Variants in CEP112 observed in about 807,000 individuals in gnomAD.
The protein encoded by CEP112 is centrosomal protein 112, also known as centrosomal protein of 112 kDa.
Under a neutral mutation model 153.0 loss-of-function variants are expected in CEP112, and 127 were observed. The ratio of observed to expected loss-of-function variants is 0.83; its 90% confidence interval spans 0.72 to 0.96. CEP112 has a LOEUF of 0.96. CEP112 is among the 40% of genes least tolerant of loss of function. The pLI is 0.00. For missense variants in CEP112, 1,089 were observed against 1,101.2 expected (o/e 0.99, Z 0.16); for synonymous variants, 358 against 374.4 (o/e 0.96, Z 0.51).
chr17:66,110,085 A>C (rs2068958737), intron 6 of CEP112, among the ~76,000 whole-genome samples: 2 of 152,162 alleles, frequency 1.3e-5, no homozygotes, highest in Non-Finnish European at 2.9e-5. Flanking sequence ...GTGTGAACCC[A>C]GGAGGCGGAG....
intron 21 of CEP112, among the ~76,000 whole-genome samples, chr17:65,831,323 C>T (rs902526971): frequency 3.9e-5 from 6 of 152,134 alleles, no homozygotes; most frequent in South Asian, 4.2e-4. Context: ...TTTGGGAGGC[C>T]GAGGCGGGTG....
At chr17:65,959,224 G>A (rs2062109025) in intron 18 of CEP112, among the ~76,000 whole-genome samples, 1 of 152,112 alleles carries the variant, frequency 6.6e-6, no homozygotes, top group Admixed American at 6.5e-5. Flanking sequence ...GCTGAGAGCT[G>A]CAGAGATGAT....
At chr17:65,671,534 A>T (rs2046981286) in intron 24 of CEP112, among the ~76,000 whole-genome samples, 1 of 152,234 alleles carries the variant, frequency 6.6e-6, no homozygotes, top group Non-Finnish European at 1.5e-5. Flanking sequence ...AACTCTGTTC[A>T]TCTTCTATGT....
At position 65,938,127 on chromosome 17, in the gene CEP112, T is replaced by C. The variant is rs1427468806; in HGVS notation, c.1873-10438A>G. On this transcript the variant is annotated intron_variant, in intron 18 of 26. Transcript: ENST00000535342. ...TGATCTGTGACCTTACCCCCAACCC[T>C]GTGCTCTCTGAAACATGTGCTGTGT... 2.4e-5 allele frequency among the ~76,000 whole-genome samples: 3 copies of C among 124,734 alleles called. 1 individual carries two copies. The highest frequency in any genetic ancestry group is 8.4e-5 in the African/African-American group (3 of 35,692). The allele number at this position is 124,734 out of a possible 152,430, so 81.8% of individuals were successfully genotyped here.
At chr17:65,996,052 C>T (rs1462516220) in intron 17 of CEP112, among the ~76,000 whole-genome samples, 1 of 151,854 alleles carries the variant, frequency 6.6e-6, no homozygotes, top group Non-Finnish European at 1.5e-5. Flanking sequence ...AGCATGAAAA[C>T]GGCCTAATAC....
intron 23 of CEP112, among the ~76,000 whole-genome samples, chr17:65,726,410 A>G (rs4346239): frequency 0.55 from 83,128 of 151,842 alleles, 23,056 homozygotes; most frequent in South Asian, 0.72. Context: ...GACTGGGGCA[A>G]TCAGCAGAGC....
At chr17:65,831,505 C>T (rs976351470) in intron 21 of CEP112, among the ~76,000 whole-genome samples, 20 of 150,194 alleles carry the variant, frequency 1.3e-4, no homozygotes, top group African/African-American at 4.9e-4. Context: ...TGCAGTGAGC[C>T]AAGATCGCGC....
chr17:65,679,129 C>CTTTTTTTTTTTTTTTTTTTTTTTT lies in CEP112; in HGVS notation c.2697+9976_2697+9999dup, dbSNP rs57907674. Reference sequence around the variant, plus strand: ...AATGTCCTTGACACTGTGGTTCAAGCTTTTTTTTTTTTTTTTTTTTTTTTT... The same window carrying CTTTTTTTTTTTTTTTTTTTTTTTT: ...AATGTCCTTGACACTGTGGTTCAAGCTTTTTTTTTTTTTTTTTTTTTTTTTTTTTTTTTTTTTTTTTTTTTTTTT... On this transcript the variant is annotated intron_variant, in intron 24 of 26. Transcript: ENST00000535342. Among the ~76,000 whole-genome samples the CTTTTTTTTTTTTTTTTTTTTTTTT allele has an allele frequency of 9.5e-5, 3 of 31,610 alleles. 1 individual carries two copies. The highest frequency in any genetic ancestry group is 1.8e-4 in the Non-Finnish European group (3 of 16,754). 20.7% of individuals were successfully genotyped at this position (31,610 alleles called of 152,430 possible).
intron 8 of CEP112, among the ~76,000 whole-genome samples, chr17:66,095,014 G>A (rs1344069288): frequency 6.6e-6 from 1 of 152,184 alleles, no homozygotes; most frequent in East Asian, 1.9e-4. Flanking sequence ...TGGAGGGGAT[G>A]TGGAGAAAAA....
intron 6 of CEP112, among the ~76,000 whole-genome samples, chr17:66,099,161 CT>C (rs2068461065): frequency 1.3e-5 from 2 of 152,112 alleles, no homozygotes; most frequent in South Asian, 4.1e-4. Flanking sequence ...AAAAAAGCAG[CT>C]GAAGATAAGG....
rs2058756561 is a variant in CEP112 at position 65,874,397 on chromosome 17, G to A, written c.2164-22363C>T. Among the ~76,000 whole-genome samples the A allele has an allele frequency of 5.9e-5, 9 of 152,040 alleles. No individual in the cohort carries two copies. The South Asian group carries it at 1.9e-3, about 32-fold the overall frequency. On this transcript the variant is annotated intron_variant, in intron 20 of 26. Transcript: ENST00000535342. Reference sequence around the variant, plus strand: ...TTAAATTTTTAACAAAATCTTTAACGACCATTATTAATTTTGTTTTACTTT... The same window carrying A: ...TTAAATTTTTAACAAAATCTTTAACAACCATTATTAATTTTGTTTTACTTT...
intron 20 of CEP112, among the ~76,000 whole-genome samples, chr17:65,870,014 TAAGAAAGAAAGAAAGAAAGAAAGAAAGA>T (rs754013580): frequency 4.5e-5 from 2 of 44,614 alleles, no homozygotes; most frequent in Non-Finnish European, 9.4e-5. Context: ...AGGTAGAGAA[TAAGAAAGAAAGAAAGAAAGAAAGAAAGA>T]AAGAAAGAAA....
intron 8 of CEP112, among the ~76,000 whole-genome samples, chr17:66,088,129 C>G (rs557493894): frequency 6.6e-6 from 1 of 152,036 alleles, no homozygotes; most frequent in Non-Finnish European, 1.5e-5. Context: ...TTCAGCTCCA[C>G]CCCAGAGCCA....
chr17:65,735,103 G>A (rs2050724124), intron 23 of CEP112, among the ~76,000 whole-genome samples: 1 of 152,086 alleles, frequency 6.6e-6, no homozygotes, highest in Admixed American at 6.6e-5. Context: ...AAGTCTGTAA[G>A]TATTGTGAGG....
chr17:65,984,265 T>C (rs1019717233), intron 17 of CEP112, among the ~76,000 whole-genome samples: 1 of 152,214 alleles, frequency 6.6e-6, no homozygotes, highest in African/African-American at 2.4e-5. Context: ...AGTGATACTT[T>C]AAAGGCAGTT....
chr17:66,180,225 C>T lies in CEP112; in HGVS notation c.106+2969G>A, dbSNP rs115316209. 7.6e-3 allele frequency among the ~76,000 whole-genome samples: 1,162 copies of T among 152,086 alleles called. 14 individuals carry two copies. Among genetic ancestry groups the T allele is most frequent in the African/African-American group, 0.026 (1,094 of 41,482 alleles). ...CAGAATGACTTTGAAAATATTCCTC[C>T]CTCCTCTATTTTTTTGAATAGTTTG... On this transcript the variant is annotated intron_variant, in intron 2 of 26. Transcript: ENST00000535342.
At chr17:65,671,847 T>A (rs904051078) in intron 24 of CEP112, among the ~76,000 whole-genome samples, 2 of 152,090 alleles carry the variant, frequency 1.3e-5, no homozygotes, top group African/African-American at 4.8e-5. Flanking sequence ...GGAAGCAAAC[T>A]CTTTCAGTGA....
At chr17:66,139,122 G>A (rs192753121) in intron 4 of CEP112, among the ~76,000 whole-genome samples, 152 of 152,124 alleles carry the variant, frequency 1.0e-3, no homozygotes, top group African/African-American at 3.6e-3. Flanking sequence ...AATATTAATA[G>A]TAAGGATTAG....
chr17:66,060,201 T>C (rs1250115487), intron 11 of CEP112, among the ~76,000 whole-genome samples: 2 of 152,158 alleles, frequency 1.3e-5, no homozygotes, highest in African/African-American at 2.4e-5. Flanking sequence ...ACTTGGATGA[T>C]GGGATCATTC....
Sources: allele counts gnomAD v4.1 joint callset (sites outside exome capture counted in the v4.1 genomes callset), GRCh38; gene constraint gnomAD v4.1.1; transcripts MANE v1.5; gene names NCBI Gene and HGNC (gene_info 2026-07-23, HGNC 2026-07-21).